The following MSI2 variants were observed in gnomAD, a reference collection of about 807,000 sequenced individuals.
The protein encoded by MSI2 is RNA-binding protein Musashi homolog 2.
A neutral mutation model predicts 45.6 loss-of-function variants in MSI2; 17 were observed. That is an observed-to-expected ratio of 0.37 (90% CI 0.26 to 0.56). MSI2 has a LOEUF of 0.56. Ranked by LOEUF, MSI2 falls within the 20% of genes least tolerant of loss-of-function variation. The pLI is 0.77. For synonymous variants in MSI2, 156 were observed against 158.2 expected, an observed-to-expected ratio of 0.99 and a Z score of 0.11; for missense variants, 293 against 444.2, an observed-to-expected ratio of 0.66 and a Z score of 3.06.
rs188356175 is a variant in MSI2 at position 57,624,556 on chromosome 17, G to A, written c.653-2673G>A. ...GAGCTCAACATCCCACCGGGCTCCTGCTCCTTAGCTAGCAGTCAGTGCAGA... is the reference window on the plus strand; with the variant it reads ...GAGCTCAACATCCCACCGGGCTCCTACTCCTTAGCTAGCAGTCAGTGCAGA... On this transcript the variant is annotated intron_variant, in intron 9 of 13. Coordinates refer to ENST00000284073, the MANE Select transcript of MSI2 (RefSeq NM_138962.4). Among the ~76,000 whole-genome samples the A allele has an allele frequency of 2.6e-3, 396 of 152,264 alleles. 2 individuals are homozygous for A. Among genetic ancestry groups the A allele is most frequent in the Admixed American group, 4.1e-3 (62 of 15,298 alleles).
intron 5 of MSI2, among the ~76,000 whole-genome samples, chr17:57,287,448 GT>G (rs1910013893): frequency 6.6e-6 from 1 of 152,210 alleles, no homozygotes. Context: ...CTGTCTGCGG[GT>G]GGAGGACTGC....
chr17:57,600,125 G>A (rs575862455), intron 8 of MSI2, among the ~76,000 whole-genome samples: 36 of 152,334 alleles, frequency 2.4e-4, no homozygotes, highest in Admixed American at 4.6e-4. Flanking sequence ...TTTAAACTGG[G>A]CTATGGACAG....
chr17:57,457,949 T>A (rs1297752062), intron 6 of MSI2, among the ~76,000 whole-genome samples: 4 of 151,804 alleles, frequency 2.6e-5, no homozygotes, highest in Non-Finnish European at 4.4e-5. Context: ...AACTAAGAAG[T>A]CAGATGAATT....
intron 11 of MSI2, among the ~76,000 whole-genome samples, chr17:57,654,297 T>C (rs570677143): frequency 6.6e-6 from 1 of 152,346 alleles, no homozygotes; most frequent in Admixed American, 6.5e-5. Flanking sequence ...CACTTGCCTG[T>C]GTGTAGCCAG....
At chr17:57,310,874 C>T (rs1029190937) in intron 5 of MSI2, among the ~76,000 whole-genome samples, 26 of 152,238 alleles carry the variant, frequency 1.7e-4, no homozygotes, top group African/African-American at 5.8e-4. Flanking sequence ...GATAGACCCA[C>T]CTTCAAATCC....
At chr17:57,563,976 A>ACCTCCT (rs2087663922) in intron 7 of MSI2, among the ~76,000 whole-genome samples, 1 of 151,912 alleles carries the variant, frequency 6.6e-6, no homozygotes, top group South Asian at 2.1e-4. Flanking sequence ...GGGCCTGGGC[A>ACCTCCT]CCTCCTCTGA....
chr17:57,643,959 T>A (rs1457241079), intron 10 of MSI2, among the ~76,000 whole-genome samples: 1 of 152,110 alleles, frequency 6.6e-6, no homozygotes, highest in East Asian at 1.9e-4. Flanking sequence ...ATTTGGCCCC[T>A]CTCCGGAGGG....
At chr17:57,676,916 C>T (rs2144757008) in intron 12 of MSI2, 71 bp from the exon 13 acceptor site, 1 of 990,666 alleles carries the variant, frequency 1.0e-6, no homozygotes, top group Non-Finnish European at 1.6e-6. Context: ...GAGATAATTT[C>T]CTTTCCCAGA....
intron 7 of MSI2, among the ~76,000 whole-genome samples, chr17:57,544,277 T>C (rs1307194427): frequency 6.6e-6 from 1 of 152,158 alleles, no homozygotes; most frequent in African/African-American, 2.4e-5. Flanking sequence ...TTATTTTAGG[T>C]TTATGGCCTC....
intron 9 of MSI2, among the ~76,000 whole-genome samples, chr17:57,619,010 T>G (rs1440454290): frequency 6.6e-6 from 1 of 152,150 alleles, no homozygotes; most frequent in East Asian, 1.9e-4. Context: ...TTTCCCACCT[T>G]TCTGAGTCTA....
In MSI2 at chr17:57,453,106, T is replaced by A. The variant is rs2085049652; in HGVS notation, c.405+51635T>A. Among the ~76,000 whole-genome samples, 3 of 151,042 alleles carry A rather than the reference T, an allele frequency of 2.0e-5. No homozygotes were observed. In the South Asian group the frequency reaches 6.3e-4, roughly 32 times the overall value. ...GCAACCTCCACCTCCTGGGTTCAAG[T>A]GATTCTGCCGCAGCCTCCCGAGTAA... is the stretch of plus-strand genomic sequence containing the variant. On this transcript the variant is annotated intron_variant, in intron 6 of 13. Transcript: ENST00000284073.
At chr17:57,363,559 G>T (rs575589440) in intron 5 of MSI2, among the ~76,000 whole-genome samples, 22 of 152,306 alleles carry the variant, frequency 1.4e-4, no homozygotes, top group African/African-American at 5.1e-4. Context: ...CCAACACGGA[G>T]AAACCCTGTC....
At chr17:57,648,779 A>C (rs1007147199) in intron 10 of MSI2, among the ~76,000 whole-genome samples, 2 of 151,758 alleles carry the variant, frequency 1.3e-5, no homozygotes, top group African/African-American at 2.4e-5. Context: ...TCCCCCAAGC[A>C]CTCTCTGCTA....
chr17:57,326,312 C>G (rs1913788110), intron 5 of MSI2, among the ~76,000 whole-genome samples: 2 of 152,008 alleles, frequency 1.3e-5, no homozygotes, highest in East Asian at 3.9e-4. Context: ...TTTGCTTACT[C>G]CCAGCGGGTT....
At chr17:57,645,242 C>G (rs1910567522) in intron 10 of MSI2, among the ~76,000 whole-genome samples, 1 of 152,196 alleles carries the variant, frequency 6.6e-6, no homozygotes, top group Admixed American at 6.5e-5. Context: ...ACTGAGACCA[C>G]TGCACCAAGT....
rs748969686 is a variant in MSI2, at chr17:57,407,707, A to G, written c.405+6236A>G. ...GGTGTTGCCCTTCAGACCTTCTTCA[A>G]CGACAATTGTAGGCTGGACCAGGAA... On this transcript the variant is annotated intron_variant, in intron 6 of 13. Coordinates refer to ENST00000284073, the MANE Select transcript of MSI2 (RefSeq NM_138962.4). The surrounding 1 kb of genome is among the most constrained non-coding windows in gnomAD (Gnocchi z 4.1). 2.6e-5 allele frequency among the ~76,000 whole-genome samples: 4 copies of G among 152,024 alleles called. No homozygotes were observed. Among genetic ancestry groups the G allele is most frequent in the Non-Finnish European group, 4.4e-5 (3 of 67,998 alleles).
At chr17:57,512,960 G>T (rs2086386150) in intron 6 of MSI2, among the ~76,000 whole-genome samples, 1 of 91,644 alleles carries the variant, frequency 1.1e-5, no homozygotes. Context: ...ACATGAATTA[G>T]CTTCTTCCTT....
chr17:57,479,473 TG>T (rs1434242422), intron 6 of MSI2, among the ~76,000 whole-genome samples: 1 of 152,218 alleles, frequency 6.6e-6, no homozygotes, highest in East Asian at 1.9e-4. Flanking sequence ...TTCCCAACCC[TG>T]CTGTGGGTAA....
intron 5 of MSI2, among the ~76,000 whole-genome samples, chr17:57,349,177 C>A (rs1200774295): frequency 1.3e-5 from 2 of 152,174 alleles, no homozygotes; most frequent in Non-Finnish European, 2.9e-5. Flanking sequence ...GCTCTCGTCT[C>A]GGAGCCCTTC....
Sources: allele counts gnomAD v4.1 joint callset (sites outside exome capture counted in the v4.1 genomes callset), GRCh38; gene constraint gnomAD v4.1.1; non-coding constraint Gnocchi (gnomAD v3.1); transcripts MANE v1.5; gene names NCBI Gene and HGNC (gene_info 2026-07-23, HGNC 2026-07-21).